LONP1: variants seen among roughly 807,000 people sequenced by gnomAD.
LONP1 encodes lon peptidase 1, mitochondrial, also known as lon protease homolog, mitochondrial.
In LONP1, 31 loss-of-function variants were observed where a neutral mutation model predicts 98.5. The ratio of observed to expected loss-of-function variants is 0.31; its 90% CI spans 0.24 to 0.42. LONP1 has a LOEUF of 0.42. LONP1 is among the 20% of genes least tolerant of loss of function. LONP1 has a pLI of 1.00. For synonymous variants in LONP1, 781 were observed against 594.7 expected (o/e 1.31, Z -4.56); for missense variants, 1,336 against 1,350.6 (o/e 0.99, Z 0.17).
Position 5,696,175 on chromosome 19 carries a change from G to T in LONP1, c.1897-5C>A, listed in dbSNP as rs768681910. 6.8e-6 allele frequency: 11 copies of T among 1,612,750 alleles called. No individual in the cohort carries two copies. Among genetic ancestry groups the T allele is most frequent in the Non-Finnish European group, 9.3e-6 (11 of 1,179,848 alleles). ...GGCCGTGCAGATGAACAGCACCTGG[G>T]GGCGGCGGCAAGGTGCTGGGGGACT... On this transcript the variant is annotated splice_polypyrimidine_tract_variant and splice_region_variant and intron_variant, in intron 12 of 17. Coordinates refer to ENST00000360614, the MANE Select transcript of LONP1 (RefSeq NM_004793.4).
chr19:5,706,958 G>A (rs897797086), intron 7 of LONP1, 102 bp downstream of exon 7: 9 of 960,246 alleles, frequency 9.4e-6, no homozygotes, highest in Non-Finnish European at 1.4e-5. Flanking sequence ...GCTTGCCCTG[G>A]CCGATGCCAC....
intron 13 of LONP1, among the ~76,000 whole-genome samples, chr19:5,695,715 C>T (rs895596635): frequency 6.6e-6 from 1 of 151,448 alleles, no homozygotes; most frequent in Non-Finnish European, 1.5e-5. Context: ...GAGCCACAGG[C>T]CCCACTGCTT....
chr19:5,716,197 C>T (rs867914445), intron 1 of LONP1, among the ~76,000 whole-genome samples: 46 of 145,706 alleles, frequency 3.2e-4, no homozygotes, highest in Admixed American at 8.5e-4. Flanking sequence ...CACAGTGAGA[C>T]CCCATCTCTA....
At chr19:5,701,954 G>C (rs1314948024) in intron 8 of LONP1, among the ~76,000 whole-genome samples, 1 of 151,876 alleles carries the variant, frequency 6.6e-6, no homozygotes, top group Non-Finnish European at 1.5e-5. Flanking sequence ...CCCCGTCTGG[G>C]AGGGGAAGAG....
intron 10 of LONP1, among the ~76,000 whole-genome samples, chr19:5,697,517 GAA>G (rs1212096864): frequency 7.1e-6 from 1 of 140,508 alleles, no homozygotes; most frequent in African/African-American, 2.7e-5. Flanking sequence ...GGGGGGGAGA[GAA>G]GAGGGAGGAG....
chr19:5,719,617 AACAC>A, intron 1 of LONP1, 83 bp downstream of exon 1: 1 of 1,597,830 alleles, frequency 6.3e-7, no homozygotes. Context: ...AAAGTTGCGA[AACAC>A]AAGGGCGCTC....
Position 5,699,196 on chromosome 19 carries a change from C to T in LONP1, c.1516G>A (p.Ala506Thr), listed in dbSNP as rs370214415. Reference sequence around the variant, plus strand: ...GTGGAGCCGCGGAGCTGGCTAACGGCAATGAACTCCTGCAGACAGAGGCAG... The same window carrying T: ...GTGGAGCCGCGGAGCTGGCTAACGGTAATGAACTCCTGCAGACAGAGGCAG... ...DVKKRILEFI[A>T]VSQLRGSTQG... The change falls in exon 10 of 18, where the codon GCC (alanine) becomes ACC (threonine). Residue 506 changes from alanine (A) to threonine (T), a missense_variant. By Grantham distance (58) the Ala-to-Thr change is moderately conservative. Around this residue, in one of 5 missense-constraint regions of LONP1, gnomAD observed 219 missense variants for 241.0 expected, o/e 0.91. Coordinates refer to ENST00000360614, the MANE Select transcript of LONP1 (RefSeq NM_004793.4). 2.7e-6 allele frequency: 4 copies of T among 1,501,484 alleles called. No individual in the cohort carries two copies. Among genetic ancestry groups the T allele is most frequent in the Non-Finnish European group, 3.6e-6 (4 of 1,119,180 alleles). 93.0% of individuals were successfully genotyped at this position (1,501,484 alleles called of 1,614,324 possible). A position where few individuals can be genotyped will look rare whatever the true frequency, so the allele number is the denominator to read the frequency against.
At chr19:5,703,941 G>C (rs1368165770) in intron 8 of LONP1, among the ~76,000 whole-genome samples, 1 of 152,226 alleles carries the variant, frequency 6.6e-6, no homozygotes. Flanking sequence ...GGGCAGCTGA[G>C]GCACTCGCTG....
chr19:5,696,853 G>A (rs1568313601), intron 10 of LONP1, 96 bp from the exon 11 acceptor site: 12 of 765,320 alleles, frequency 1.6e-5, no homozygotes, highest in Non-Finnish European at 4.3e-6. Flanking sequence ...GAGGCCACCT[G>A]GAGCCCCACA....
At chr19:5,700,751 C>A (rs766813020) in intron 9 of LONP1, 38 bp downstream of exon 9, 7 of 1,611,780 alleles carry the variant, frequency 4.3e-6, no homozygotes, top group Non-Finnish European at 5.9e-6. Flanking sequence ...CCCGGGCACC[C>A]ACATGCAAAT....
rs751626265 is a variant in LONP1, at chr19:5,693,725, C to A, written c.2365G>T (p.Asp789Tyr). The A allele has an allele frequency of 6.2e-7, 1 of 1,614,048 alleles. No individual in the cohort carries two copies. Among genetic ancestry groups the A allele is most frequent in the Non-Finnish European group, 8.5e-7 (1 of 1,180,002 alleles). ...FVETSLRRPQ[D>Y]KDAKGDKDGS... ...TCCTTGTCACCCTTGGCATCCTTGT[C>A]CTGTGGCCGTCTCAGGGATGTCTCC... Residue 789 changes from aspartate (D) to tyrosine (Y), a missense_variant, in exon 16 of 18, where the codon GAC becomes TAC. Asp to Tyr is a radical substitution (Grantham distance 160, BLOSUM62 -3). Around this residue, in one of 5 missense-constraint regions of LONP1, gnomAD observed 555 missense variants for 542.6 expected, o/e 1.02. Transcript: ENST00000360614.
intron 10 of LONP1, among the ~76,000 whole-genome samples, chr19:5,697,805 C>T (rs895371551): frequency 1.1e-4 from 16 of 152,050 alleles, no homozygotes; most frequent in Admixed American, 4.6e-4. Flanking sequence ...CTGCCCTCCC[C>T]GCAGCCCCGC....
intron 1 of LONP1, among the ~76,000 whole-genome samples, chr19:5,717,899 T>TA (rs1013444601): frequency 2.0e-5 from 3 of 150,548 alleles, no homozygotes; most frequent in African/African-American, 7.3e-5. Flanking sequence ...TTCTTTTTTT[T>TA]TTTTTTTTTG....
chr19:5,708,459 GCTGGGT>G, intron 4 of LONP1, 56 bp from the exon 5 acceptor site: 2 of 1,257,026 alleles, frequency 1.6e-6, no homozygotes, highest in East Asian at 2.4e-5. Context: ...CAGGGGGTGG[GCTGGGT>G]GGGAGCATGG....
chr19:5,716,293 T>TAC (rs1219580092), intron 1 of LONP1, among the ~76,000 whole-genome samples: 6 of 110,688 alleles, frequency 5.4e-5, no homozygotes, highest in African/African-American at 2.0e-4. Context: ...TATATATATA[T>TAC]ATATATAGTA....
intron 5 of LONP1, 77 bp from the exon 6 acceptor site, chr19:5,707,903 G>A (rs552930086): frequency 1.3e-6 from 2 of 1,543,516 alleles, no homozygotes; most frequent in Admixed American, 1.8e-5. Context: ...CGGGGACCCG[G>A]TCCTCAGGGT....
chr19:5,715,167 A>T (rs1908205134), intron 1 of LONP1: 1 of 152,030 alleles, frequency 6.6e-6, no homozygotes, highest in African/African-American at 2.4e-5. Flanking sequence ...AGGAAATTCA[A>T]AGTAGACGAA....
At chr19:5,695,818 G>A (rs932259364) in intron 13 of LONP1, among the ~76,000 whole-genome samples, 7 of 152,204 alleles carry the variant, frequency 4.6e-5, no homozygotes, top group Non-Finnish European at 8.8e-5. Flanking sequence ...TGTGTGGCCT[G>A]ACGGTGGTGG....
intron 2 of LONP1, 143 bp downstream of exon 2, chr19:5,714,040 C>T (rs1241229908): frequency 8.3e-6 from 5 of 601,304 alleles, no homozygotes; most frequent in African/African-American, 1.9e-5. Flanking sequence ...AGGTAGCCTG[C>T]GTGGCTTCTG....
Sources: gnomAD v4.1 joint callset for allele counts (sites outside exome capture counted in the v4.1 genomes callset) on GRCh38, gnomAD v4.1.1 for gene constraint, gnomAD v4.1.1 regional missense constraint, MANE v1.5 for transcripts, NCBI Gene and HGNC (gene_info 2026-07-23, HGNC 2026-07-21) for gene names.